Variants in ARHGAP26 observed in about 807,000 individuals in gnomAD.
ARHGAP26 encodes the protein rho GTPase-activating protein 26.
A neutral mutation model predicts 104.8 loss-of-function variants in ARHGAP26; 38 were observed. The ratio of observed to expected loss-of-function variants is 0.36; its 90% CI spans 0.28 to 0.48. The LOEUF (loss-of-function observed/expected upper bound fraction) is 0.48, where lower values mean the gene tolerates loss of function less well. Ranked by LOEUF, ARHGAP26 falls within the 20% of genes least tolerant of loss-of-function variation. The probability of loss-of-function intolerance (pLI) is 0.99; values close to 1 mark genes in which losing one functional copy is unlikely to be tolerated. For synonymous variants in ARHGAP26, 341 were observed against 340.0 expected, an observed-to-expected ratio of 1.00 and a Z score of -0.03; for missense variants, 704 against 947.9, an observed-to-expected ratio of 0.74 and a Z score of 3.38.
intron 11 of ARHGAP26, among the ~76,000 whole-genome samples, chr5:142,940,054 G>A (rs1339366997): frequency 6.6e-6 from 1 of 152,238 alleles, no homozygotes; most frequent in East Asian, 1.9e-4. Flanking sequence ...TTAGCAGTCA[G>A]TGTGAACTTT....
intron 10 of ARHGAP26, chr5:142,915,783 T>A (rs1762391762): frequency 6.6e-6 from 1 of 152,292 alleles, no homozygotes; most frequent in African/African-American, 2.4e-5. Context: ...TTCTCCTTTT[T>A]TGACCCCAGT....
At chr5:142,963,188 A>ATACATATATATATATATATATG (rs1770643247) in intron 11 of ARHGAP26, among the ~76,000 whole-genome samples, 10 of 109,796 alleles carry the variant, frequency 9.1e-5, no homozygotes, top group South Asian at 7.9e-4. Flanking sequence ...ATATATATAT[A>ATACATATATATATATATATATG]TATATATATA....
At chr5:142,904,978 G>A (rs902256163) in intron 8 of ARHGAP26, among the ~76,000 whole-genome samples, 1 of 152,158 alleles carries the variant, frequency 6.6e-6, no homozygotes, top group Non-Finnish European at 1.5e-5. Context: ...TGGGGCAGTA[G>A]TGGTGTTGGA....
intron 19 of ARHGAP26, among the ~76,000 whole-genome samples, chr5:143,137,732 C>T (rs1373230673): frequency 3.9e-5 from 6 of 152,194 alleles, no homozygotes; most frequent in Non-Finnish European, 5.9e-5. Context: ...CTCTCCAGTC[C>T]GCAGTTGAAA....
intron 17 of ARHGAP26, among the ~76,000 whole-genome samples, chr5:143,063,771 A>G (rs902872779): frequency 2.0e-5 from 3 of 152,200 alleles, no homozygotes; most frequent in African/African-American, 7.2e-5. Flanking sequence ...TTCAGCTCAA[A>G]TGTCAATGTC....
At chr5:143,070,913 G>GA (rs145620730) in intron 17 of ARHGAP26, among the ~76,000 whole-genome samples, 1,830 of 148,640 alleles carry the variant, frequency 0.012, 35 homozygotes, top group African/African-American at 0.039. Flanking sequence ...CACTATCGCA[G>GA]AAAAAAAAAC....
chr5:143,090,492 T>G (rs886867430), intron 17 of ARHGAP26, among the ~76,000 whole-genome samples: 2 of 152,194 alleles, frequency 1.3e-5, no homozygotes, highest in African/African-American at 2.4e-5. Flanking sequence ...AATTGTTCCC[T>G]TGTGAGAAGT....
At chr5:142,937,488 A>G (rs904136821) in intron 11 of ARHGAP26, among the ~76,000 whole-genome samples, 1 of 152,364 alleles carries the variant, frequency 6.6e-6, no homozygotes, top group African/African-American at 2.4e-5. Context: ...GTCACTTGGC[A>G]GTTTCTAAAA....
chr5:142,784,607 C>A (rs762708346), intron 1 of ARHGAP26, among the ~76,000 whole-genome samples: 7 of 152,160 alleles, frequency 4.6e-5, no homozygotes, highest in African/African-American at 1.4e-4. Flanking sequence ...ACTCATATCT[C>A]TTAATGTGCC....
rs17100165 is a variant in ARHGAP26 at position 143,220,963 on chromosome 5, A to G, written c.2192-1395A>G. Among the ~76,000 whole-genome samples the G allele has an allele frequency of 7.5e-3, 1,143 of 152,358 alleles. 14 individuals are homozygous for G. The highest frequency in any genetic ancestry group is 0.026 in the African/African-American group (1,087 of 41,584). ...ATGCTTTTCTAAAACAAGCTCAGGA[A>G]GTCATTTAATTAGCCCAGGAAGGGA... On this transcript the variant is annotated intron_variant, in intron 22 of 22. Coordinates refer to ENST00000645722, the MANE Select transcript of ARHGAP26 (RefSeq NM_001135608.3).
chr5:143,150,584 G>A (rs1406228858), intron 20 of ARHGAP26, among the ~76,000 whole-genome samples: 3 of 152,218 alleles, frequency 2.0e-5, no homozygotes, highest in Non-Finnish European at 4.4e-5. Flanking sequence ...GCATTCTGCA[G>A]ACATGTGTAT....
intron 20 of ARHGAP26, among the ~76,000 whole-genome samples, chr5:143,190,035 G>GAAAAAAAAA (rs1342197102): frequency 6.9e-6 from 1 of 144,776 alleles, no homozygotes; most frequent in South Asian, 2.1e-4. Flanking sequence ...GGAGGGGGGG[G>GAAAAAAAAA]AAAAAAAAAA....
At chr5:143,139,670 TGCTCGGCCAAGCC>T (rs1313026416) in intron 19 of ARHGAP26, among the ~76,000 whole-genome samples, 2 of 152,184 alleles carry the variant, frequency 1.3e-5, no homozygotes, top group Non-Finnish European at 2.9e-5. Context: ...AGCTTTAATA[TGCTCGGCCAAGCC>T]ACTCACGCTC....
intron 20 of ARHGAP26, among the ~76,000 whole-genome samples, chr5:143,194,954 C>T (rs534777945): frequency 6.6e-6 from 1 of 152,200 alleles, no homozygotes; most frequent in East Asian, 1.9e-4. Context: ...GGAGCAGGGC[C>T]AGGTGTGGAA....
intron 18 of ARHGAP26, among the ~76,000 whole-genome samples, chr5:143,130,593 C>T (rs1413393205): frequency 3.9e-5 from 6 of 152,152 alleles, no homozygotes; most frequent in Non-Finnish European, 5.9e-5. Context: ...CTGAAGAAAA[C>T]TTCATTTGAT....
intron 1 of ARHGAP26, among the ~76,000 whole-genome samples, chr5:142,780,403 T>C (rs1356797121): frequency 1.3e-5 from 2 of 152,260 alleles, no homozygotes; most frequent in African/African-American, 4.8e-5. Flanking sequence ...TTCATTTTAA[T>C]AAGTATTTCA....
At chr5:142,811,512 T>C (rs920233648) in intron 1 of ARHGAP26, among the ~76,000 whole-genome samples, 4 of 152,328 alleles carry the variant, frequency 2.6e-5, no homozygotes, top group African/African-American at 9.6e-5. Context: ...ATCTTTTTCA[T>C]GTATTCAACA....
At chr5:143,038,359 G>T (rs143350579) in intron 13 of ARHGAP26, among the ~76,000 whole-genome samples, 1 of 152,230 alleles carries the variant, frequency 6.6e-6, no homozygotes, top group African/African-American at 2.4e-5. Context: ...CAGTTGTAAT[G>T]TATGGAAACA....
At chr5:142,998,702 T>C (rs1481254571) in intron 11 of ARHGAP26, among the ~76,000 whole-genome samples, 2 of 151,822 alleles carry the variant, frequency 1.3e-5, no homozygotes, top group East Asian at 3.9e-4. Context: ...ACAGCCTGGG[T>C]GACAGAGCAA....
Sources: gnomAD v4.1 joint callset for allele counts (sites outside exome capture counted in the v4.1 genomes callset) on GRCh38, gnomAD v4.1.1 for gene constraint, MANE v1.5 for transcripts, NCBI Gene and HGNC (gene_info 2026-07-23, HGNC 2026-07-21) for gene names.